Variants in ADAM19 observed in about 807,000 individuals in gnomAD.
ADAM19 encodes the protein disintegrin and metalloproteinase domain-containing protein 19.
ADAM19 carries 65 observed loss-of-function variants against 114.7 expected under a neutral mutation model. The observed-to-expected ratio is 0.57, with a 90% CI of 0.46 to 0.70. The LOEUF is 0.70. ADAM19 is among the 30% of genes least tolerant of loss of function. The pLI is 0.00. For missense variants in ADAM19, 1,063 were observed against 1,204.7 expected, an observed-to-expected ratio of 0.88 and a Z score of 1.74; for synonymous variants, 466 against 460.5, an observed-to-expected ratio of 1.01 and a Z score of -0.15.
At chr5:157,540,929 A>T (rs1040994464) in intron 3 of ADAM19, among the ~76,000 whole-genome samples, 1 of 152,254 alleles carries the variant, frequency 6.6e-6, no homozygotes, top group Non-Finnish European at 1.5e-5. Flanking sequence ...TTTCTGAAGC[A>T]GCAATATCAG....
At chr5:157,562,398 G>A (rs1757532328) in intron 3 of ADAM19, among the ~76,000 whole-genome samples, 1 of 152,172 alleles carries the variant, frequency 6.6e-6, no homozygotes, top group South Asian at 2.1e-4. Flanking sequence ...TAGAACCACA[G>A]CCCCGGGCTC....
chr5:157,499,785 T>G (rs1346723793), intron 12 of ADAM19, 123 bp from the exon 13 acceptor site: 1 of 662,540 alleles, frequency 1.5e-6, no homozygotes, highest in Non-Finnish European at 2.6e-6. Flanking sequence ...TTTTTTTTTT[T>G]TTTTTTTTTG....
At chr5:157,569,036 T>A (rs1336550320) in intron 2 of ADAM19, 1 of 152,140 alleles carries the variant, frequency 6.6e-6, no homozygotes, top group Non-Finnish European at 1.5e-5. Flanking sequence ...AAGTAGCAGG[T>A]CCATTCCTCA....
chr5:157,570,703 G>C, intron 2 of ADAM19, 192 bp downstream of exon 2: 1 of 527,722 alleles, frequency 1.9e-6, no homozygotes, highest in Non-Finnish European at 3.4e-6. Context: ...AATAGCATTG[G>C]GAAGTGTTCT....
intron 5 of ADAM19, among the ~76,000 whole-genome samples, chr5:157,525,120 AGCTT>A (rs1307221469): frequency 1.3e-5 from 2 of 152,238 alleles, no homozygotes; most frequent in African/African-American, 4.8e-5. Context: ...GAACTTAAGT[AGCTT>A]GGCAGGGTTT....
rs1448443523 is a variant in ADAM19, at chr5:157,499,563, G to A, written c.1398+10C>T. On this transcript the variant is annotated intron_variant, in intron 13 of 22. Coordinates refer to ENST00000257527, the MANE Select transcript of ADAM19 (RefSeq NM_033274.5). ...CCAGGGCCCAAGGCGTGGAGAAAAGGGCCACTTACCTTACACTGGTGGCAG... is the reference window on the plus strand; with the variant it reads ...CCAGGGCCCAAGGCGTGGAGAAAAGAGCCACTTACCTTACACTGGTGGCAG... 1 of 1,610,544 alleles carries A rather than the reference G, an allele frequency of 6.2e-7. No individual in the cohort carries two copies. Among genetic ancestry groups the A allele is most frequent in the Non-Finnish European group, 8.5e-7 (1 of 1,178,024 alleles).
intron 21 of ADAM19, among the ~76,000 whole-genome samples, chr5:157,487,664 GT>G (rs1554132416): frequency 3.3e-5 from 5 of 152,182 alleles, no homozygotes; most frequent in Non-Finnish European, 7.4e-5. Context: ...ACCAGGGCTG[GT>G]GGGGGAGAGT....
intron 15 of ADAM19, 121 bp downstream of exon 15, chr5:157,494,566 A>T: frequency 5.4e-6 from 4 of 734,558 alleles, no homozygotes; most frequent in Non-Finnish European, 9.1e-6. Context: ...ACTGACTTCA[A>T]CTGATTGACG....
chr5:157,547,360 T>C (rs565104703), intron 3 of ADAM19, among the ~76,000 whole-genome samples: 1 of 152,188 alleles, frequency 6.6e-6, no homozygotes, highest in Non-Finnish European at 1.5e-5. Flanking sequence ...TAATCCCCAA[T>C]GCAACAGTGT....
intron 3 of ADAM19, among the ~76,000 whole-genome samples, chr5:157,546,110 G>T (rs1225087193): frequency 6.6e-6 from 1 of 152,242 alleles, no homozygotes; most frequent in East Asian, 1.9e-4. Flanking sequence ...CCCTCTCCTG[G>T]CTTGGCACCT....
At chr5:157,563,888 G>C (rs11465269) in intron 3 of ADAM19, among the ~76,000 whole-genome samples, 2 of 152,088 alleles carry the variant, frequency 1.3e-5, no homozygotes, top group African/African-American at 4.8e-5. Context: ...GACTGTTGAC[G>C]ATGCCCTGTT....
intron 3 of ADAM19, among the ~76,000 whole-genome samples, chr5:157,543,249 A>T (rs1756965543): frequency 6.6e-6 from 1 of 152,216 alleles, no homozygotes; most frequent in African/African-American, 2.4e-5. Flanking sequence ...CTCACTATGT[A>T]TTTGTATAAA....
chr5:157,485,331 C>T (rs528252031), intron 21 of ADAM19, among the ~76,000 whole-genome samples: 15 of 152,114 alleles, frequency 9.9e-5, no homozygotes, highest in Non-Finnish European at 1.5e-4. Flanking sequence ...CAGAAAAAGG[C>T]GAACAAATCA....
chr5:157,491,955 T>G, intron 16 of ADAM19, 43 bp from the exon 17 acceptor site: 1 of 1,604,494 alleles, frequency 6.2e-7, no homozygotes, highest in Non-Finnish European at 8.5e-7. Context: ...ATGGGAGGGA[T>G]GCTGGTTGGG....
chr5:157,504,133 A>G (rs1755658683), intron 11 of ADAM19, among the ~76,000 whole-genome samples: 1 of 152,262 alleles, frequency 6.6e-6, no homozygotes, highest in South Asian at 2.1e-4. Context: ...ATAACTCTCA[A>G]TCATTTGTCT....
chr5:157,504,214 A>T (rs761540721), intron 11 of ADAM19, among the ~76,000 whole-genome samples: 75 of 152,170 alleles, frequency 4.9e-4, no homozygotes, highest in Non-Finnish European at 8.4e-4. Context: ...TCCAGGCATG[A>T]CTGTGAAGCT....
At chr5:157,499,440 C>A in intron 13 of ADAM19, 133 bp downstream of exon 13, 1 of 771,726 alleles carries the variant, frequency 1.3e-6, no homozygotes, top group South Asian at 1.5e-5. Flanking sequence ...CTTTTCCGCT[C>A]TGTGTTTCTG....
chr5:157,508,235 T>C (rs1755807893), intron 9 of ADAM19, among the ~76,000 whole-genome samples: 1 of 152,274 alleles, frequency 6.6e-6, no homozygotes, highest in South Asian at 2.1e-4. Context: ...TGGGGACAGT[T>C]ATTTTTCCCA....
intron 8 of ADAM19, among the ~76,000 whole-genome samples, chr5:157,510,689 T>G (rs1476899033): frequency 6.6e-6 from 1 of 152,206 alleles, no homozygotes; most frequent in Non-Finnish European, 1.5e-5. Context: ...CTTACCATAA[T>G]GTTTTTGAGA....
Sources: gnomAD v4.1 joint callset for allele counts (sites outside exome capture counted in the v4.1 genomes callset) on GRCh38, gnomAD v4.1.1 for gene constraint, MANE v1.5 for transcripts, NCBI Gene and HGNC (gene_info 2026-07-23, HGNC 2026-07-21) for gene names.